Variants in CAPN3 observed in about 807,000 individuals in gnomAD.
CAPN3 encodes the protein calpain-3.
CAPN3 carries 88 observed loss-of-function variants against 114.0 expected under a neutral mutation model. That is an observed-to-expected ratio of 0.77 (90% CI 0.65 to 0.92). CAPN3 has a LOEUF of 0.92. CAPN3 is among the 40% of genes least tolerant of loss of function. The pLI, the probability that CAPN3 is intolerant of heterozygous loss-of-function variation, is 0.00. For synonymous variants in CAPN3, 386 were observed against 382.9 expected, an observed-to-expected ratio of 1.01 and a Z score of -0.09; for missense variants, 1,028 against 1,069.0, an observed-to-expected ratio of 0.96 and a Z score of 0.53.
At position 42,386,161 on chromosome 15, in the gene CAPN3, C is replaced by T; in HGVS notation, c.380-6C>T. On this transcript the variant is annotated splice_polypyrimidine_tract_variant and splice_region_variant and intron_variant, in intron 2 of 23. Transcript: ENST00000397163. ...CTCACGATCTGTGCCCTGTGTCTGC[C>T]TGCAGGGGACTGCTGGTTTCTCGCA... The T allele has an allele frequency of 6.2e-7, 1 of 1,604,876 alleles. No homozygotes were observed. The highest frequency in any genetic ancestry group is 1.1e-5 in the South Asian group (1 of 90,892).
Position 42,389,373 on chromosome 15 carries a change from G to A in CAPN3, c.801+277G>A, listed in dbSNP as rs28364419. 2.1e-3 allele frequency among the ~76,000 whole-genome samples: 316 copies of A among 152,304 alleles called. 2 individuals are homozygous for A. The highest frequency in any genetic ancestry group is 7.5e-3 in the African/African-American group (310 of 41,562). ...GTCAGTGGAGGCCTCCCTTGCTGGT[G>A]CTCCTCAGTCTCAGCACGCTCCCAT... On this transcript the variant is annotated intron_variant, in intron 5 of 23. Coordinates refer to ENST00000397163, the MANE Select transcript of CAPN3 (RefSeq NM_000070.3).
Position 42,390,055 on chromosome 15 carries a change from T to C in CAPN3, c.904T>C (p.Ser302Pro), listed in dbSNP as rs751780260. ...RNMDNSLLQD[S>P]DLDPRGSDER... ...TATGGATAACTCACTGCTCCAGGACTCAGACCTCGACCCCAGAGGCTCAGA... is the reference window on the plus strand; with the variant it reads ...TATGGATAACTCACTGCTCCAGGACCCAGACCTCGACCCCAGAGGCTCAGA... Residue 302 changes from serine to proline, a missense_variant, in exon 6 of 24, where the codon TCA (serine) becomes CCA (proline). Physicochemically the swap from Ser to Pro is moderately conservative, Grantham distance 74. Transcript: ENST00000397163. 2.5e-6 allele frequency: 4 copies of C among 1,613,986 alleles called. No homozygotes were observed. Among genetic ancestry groups the C allele is most frequent in the Non-Finnish European group, 3.4e-6 (4 of 1,180,024 alleles).
In CAPN3 at chr15:42,412,214, C is replaced by T; in HGVS notation, c.*441C>T. On this transcript the variant is annotated 3_prime_UTR_variant, in exon 24 of 24. Coordinates refer to ENST00000397163, the MANE Select transcript of CAPN3 (RefSeq NM_000070.3). ...CTGGGTTCTACTGCTGTGGGGTAAA[C>T]TAACTCAGTGGAATAGGGCTGGTTA... 3.9e-6 allele frequency: 6 copies of T among 1,533,848 alleles called. No individual in the cohort carries two copies. The highest frequency in any genetic ancestry group is 4.4e-6 in the Non-Finnish European group (5 of 1,145,054).
At chr15:42,385,850 T>G (rs748540643) in intron 2 of CAPN3, 2 of 583,304 alleles carry the variant, frequency 3.4e-6, no homozygotes, top group Admixed American at 3.7e-5. Flanking sequence ...AACCCAGTTA[T>G]GATCACCTAC....
rs867628179 is a variant in CAPN3, at chr15:42,409,968, C to T, written c.2088C>T (p.Ser696=). ...AGACACACGGGTTCACACTGGAGTC[C>T]TGCCGTAGCATGATTGCGCTCATGG... ...DLKTHGFTLE[S]CRSMIALMDT... is the part of the protein sequence containing the mutation. The change falls in exon 19 of 24, where the codon TCC becomes TCT. Residue 696 remains serine (S), a synonymous_variant. Transcript: ENST00000397163. The T allele has an allele frequency of 1.9e-6, 3 of 1,612,258 alleles. No homozygotes were observed. Among genetic ancestry groups the T allele is most frequent in the Middle Eastern group, 4.3e-4 (2 of 4,610 alleles).
In CAPN3 at chr15:42,396,957, A is replaced by C. The variant is rs1039476293; in HGVS notation, c.1193+80A>C. On this transcript the variant is annotated intron_variant, in intron 9 of 23. Transcript: ENST00000397163. The stretch of plus-strand genomic sequence containing the variant: ...AATCTCAGACCTCAGTCCCCAGCTA[A>C]GGTTATCAGATTCCAGCCCTTGGGA... 4 of 1,034,946 alleles carry C rather than the reference A, an allele frequency of 3.9e-6. No individual in the cohort carries two copies. In the African/African-American group the frequency reaches 6.3e-5, roughly 16 times the overall value. 64.1% of individuals were successfully genotyped at this position (1,034,946 alleles called of 1,614,324 possible).
At chr15:42,374,794 CTTTTTTTTTTT>C (rs66487749) in intron 1 of CAPN3, among the ~76,000 whole-genome samples, 5 of 85,400 alleles carry the variant, frequency 5.9e-5, no homozygotes, top group East Asian at 3.5e-4. Context: ...TATCATGTCT[CTTTTTTTTTTT>C]TTTTTTTTTT....
chr15:42,366,832 T>TTC (rs201711928), intron 1 of CAPN3, among the ~76,000 whole-genome samples: 4 of 143,478 alleles, frequency 2.8e-5, no homozygotes, highest in African/African-American at 8.5e-5. Flanking sequence ...TTTTTTCTTT[T>TTC]TTTTTTTCTT....
At chr15:42,396,729 T>C (rs1474004526) in intron 8 of CAPN3, 71 bp from the exon 9 acceptor site, 1 of 1,181,070 alleles carries the variant, frequency 8.5e-7, no homozygotes, top group African/African-American at 1.5e-5. Flanking sequence ...ATTTCTCTGA[T>C]ACCTCCTGTC....
In CAPN3 at chr15:42,399,616, C is replaced by T. The variant is rs777323132; in HGVS notation, c.1318C>T (p.Arg440Trp). 28 of 1,611,092 alleles carry T rather than the reference C, an allele frequency of 1.7e-5. No homozygotes were observed. Among genetic ancestry groups the T allele is most frequent in the South Asian group, 6.6e-5 (6 of 90,872 alleles). ...TVSVNEGRWV[R>W]GCSAGGCRNF... ...GTCTGTGAACGAGGGCCGCTGGGTA[C>T]GGGGTTGCTCTGCCGGAGGCTGCCG... The change falls in exon 10 of 24, where the codon CGG becomes TGG. Residue 440 changes from arginine to tryptophan, a missense_variant. Physicochemically the swap from Arg to Trp is moderately radical, Grantham distance 101 (BLOSUM62 -3). Transcript: ENST00000397163.
intron 1 of CAPN3, among the ~76,000 whole-genome samples, chr15:42,380,366 G>GTTTT (rs2053205064): frequency 1.7e-5 from 1 of 58,246 alleles, no homozygotes; most frequent in African/African-American, 7.7e-5. Context: ...CTTCTTTTTT[G>GTTTT]TCTTTTTTTT....
chr15:42,411,466 G>C (rs2054230735), intron 23 of CAPN3, 121 bp downstream of exon 23: 1 of 980,200 alleles, frequency 1.0e-6, no homozygotes, highest in Non-Finnish European at 1.7e-6. Context: ...GGAAGGGATA[G>C]GAACAGAACA....
intron 10 of CAPN3, among the ~76,000 whole-genome samples, chr15:42,400,485 C>G (rs2053832489): frequency 6.6e-6 from 1 of 152,018 alleles, no homozygotes; most frequent in Non-Finnish European, 1.5e-5. Flanking sequence ...AATCCCAGCA[C>G]TTTGGGAGGC....
chr15:42,410,404 G>A (rs1405845474), intron 19 of CAPN3, 24 bp from the exon 20 acceptor site: 1 of 1,612,564 alleles, frequency 6.2e-7, no homozygotes, highest in Admixed American at 1.7e-5. Context: ...TGTGTGCTGT[G>A]TAGCCCTGAC....
At position 42,390,010 on chromosome 15, in the gene CAPN3, A is replaced by C. The variant is rs1595823793; in HGVS notation, c.859A>C (p.Ile287Leu). 6.2e-7 allele frequency: 1 copy of C among 1,614,058 alleles called. No individual in the cohort carries two copies. Among genetic ancestry groups the C allele is most frequent in the Non-Finnish European group, 8.5e-7 (1 of 1,179,996 alleles). ...SPSGLNMGELIARMVRNMDNS... is the reference protein window; with the variant it reads ...SPSGLNMGELLARMVRNMDNS... ...TTCTGGTCTGAACATGGGGGAGTTG[A>C]TTGCACGGATGGTAAGGAATATGGA... Residue 287 changes from isoleucine (I) to leucine (L), a missense_variant, in exon 6 of 24, where the codon ATT (isoleucine) becomes CTT (leucine). Physicochemically the swap from Ile to Leu is conservative, Grantham distance 5 (BLOSUM62 2). Transcript: ENST00000397163.
chr15:42,405,909 T>G lies in CAPN3; in HGVS notation c.1783-17T>G, dbSNP rs1296074937. The G allele has an allele frequency of 7.5e-6, 12 of 1,608,620 alleles. No homozygotes were observed. The African/African-American group carries it at 1.6e-4, about 22-fold the overall frequency. ...TTTTCACTTATTCTGCATTTACTGTTTCCTTTTCTTATGCAGAAAAAGAAA... is the reference window on the plus strand; with the variant it reads ...TTTTCACTTATTCTGCATTTACTGTGTCCTTTTCTTATGCAGAAAAAGAAA... On this transcript the variant is annotated splice_polypyrimidine_tract_variant and intron_variant, in intron 14 of 23. Coordinates refer to ENST00000397163, the MANE Select transcript of CAPN3 (RefSeq NM_000070.3).
intron 10 of CAPN3, 101 bp downstream of exon 10, chr15:42,399,753 C>A: frequency 9.6e-7 from 1 of 1,038,764 alleles, no homozygotes; most frequent in Non-Finnish European, 1.4e-6. Flanking sequence ...CAGACGTCCA[C>A]TATCTTATTA....
chr15:42,389,925 G>C, intron 5 of CAPN3, 28 bp from the exon 6 acceptor site: 1 of 1,613,238 alleles, frequency 6.2e-7, no homozygotes. Flanking sequence ...CCCCTGTGTT[G>C]TTCCCTACAT....
intron 6 of CAPN3, among the ~76,000 whole-genome samples, chr15:42,392,087 C>T (rs924827224): frequency 6.6e-6 from 1 of 152,110 alleles, no homozygotes; most frequent in African/African-American, 2.4e-5. Flanking sequence ...ATCGCTGGAA[C>T]ACGGGAGGCA....
Sources: gnomAD v4.1 joint callset for allele counts (sites outside exome capture counted in the v4.1 genomes callset) on GRCh38, gnomAD v4.1.1 for gene constraint, MANE v1.5 for transcripts, NCBI Gene and HGNC (gene_info 2026-07-23, HGNC 2026-07-21) for gene names.